The following NTN1 variants were observed in gnomAD, a reference collection of about 807,000 sequenced individuals.
NTN1 encodes the protein netrin-1.
NTN1 carries 11 observed loss-of-function variants against 54.2 expected under a neutral mutation model. That is an observed-to-expected ratio of 0.20 (90% CI 0.13 to 0.34). The LOEUF (loss-of-function observed/expected upper bound fraction) is 0.34, where lower values mean the gene tolerates loss of function less well. Among genes scored for constraint, NTN1 ranks in the 10% least tolerant of loss-of-function variants. NTN1 has a pLI of 1.00. For missense variants in NTN1, 740 were observed against 893.1 expected (o/e 0.83, Z 2.18); for synonymous variants, 371 against 382.0 (o/e 0.97, Z 0.33).
At chr17:9,218,575 T>TGGGACAGTGACGCTGAAGGGACA (rs1905261677) in intron 5 of NTN1, among the ~76,000 whole-genome samples, 1 of 152,118 alleles carries the variant, frequency 6.6e-6, no homozygotes, top group Non-Finnish European at 1.5e-5. Flanking sequence ...GTTTCTAGGC[T>TGGGACAGTGACGCTGAAGGGACA]GGGACAGTGA....
At chr17:9,232,114 T>A (rs1016020488) in intron 6 of NTN1, among the ~76,000 whole-genome samples, 1 of 152,112 alleles carries the variant, frequency 6.6e-6, no homozygotes, top group Non-Finnish European at 1.5e-5. Context: ...GACAGCCATG[T>A]CCCTGCCTCT....
chr17:9,119,786 C>T (rs1448434638), intron 2 of NTN1, among the ~76,000 whole-genome samples: 1 of 152,192 alleles, frequency 6.6e-6, no homozygotes, highest in Admixed American at 6.5e-5. Flanking sequence ...GCATGAGCCG[C>T]TGTGCCTGGC....
chr17:9,065,934 A>G (rs2092013693), intron 2 of NTN1, among the ~76,000 whole-genome samples: 1 of 152,264 alleles, frequency 6.6e-6, no homozygotes, highest in African/African-American at 2.4e-5. Flanking sequence ...CCACTAGAAT[A>G]TCTACCTTTA....
chr17:9,222,421 T>C (rs1905390135), intron 6 of NTN1, among the ~76,000 whole-genome samples: 1 of 152,248 alleles, frequency 6.6e-6, no homozygotes, highest in Non-Finnish European at 1.5e-5. Flanking sequence ...CATATGCTTC[T>C]CAGGGGATCT....
intron 5 of NTN1, among the ~76,000 whole-genome samples, chr17:9,191,020 A>G (rs1186241520): frequency 1.3e-5 from 2 of 152,246 alleles, no homozygotes; most frequent in Non-Finnish European, 2.9e-5. Flanking sequence ...TATATCACCA[A>G]TGGATTAAAG....
At chr17:9,195,801 C>T (rs570999129) in intron 5 of NTN1, among the ~76,000 whole-genome samples, 1 of 152,296 alleles carries the variant, frequency 6.6e-6, no homozygotes, top group East Asian at 1.9e-4. Context: ...AAGCCCCCCT[C>T]CAGCCCCAGA....
intron 3 of NTN1, among the ~76,000 whole-genome samples, chr17:9,168,485 T>C (rs2092378890): frequency 1.3e-5 from 2 of 151,964 alleles, no homozygotes; most frequent in African/African-American, 2.4e-5. Flanking sequence ...TGAGCCGAGA[T>C]TGCGCCATTG....
At chr17:9,182,693 C>A (rs2092422034) in intron 4 of NTN1, among the ~76,000 whole-genome samples, 1 of 152,170 alleles carries the variant, frequency 6.6e-6, no homozygotes, top group Non-Finnish European at 1.5e-5. Context: ...TCTCTCCACA[C>A]CCCCCTGCCA....
At chr17:9,222,105 G>A (rs1905378012) in intron 6 of NTN1, among the ~76,000 whole-genome samples, 1 of 152,206 alleles carries the variant, frequency 6.6e-6, no homozygotes, top group Non-Finnish European at 1.5e-5. Flanking sequence ...CCAGGCCCAG[G>A]ACTCCTGAAT....
rs1385083318 is a variant in NTN1, at chr17:9,023,247, G to A, written c.874G>A (p.Ala292Thr). The change falls in exon 2 of 7, where the codon GCC (alanine) becomes ACC (threonine). Residue 292 changes from alanine to threonine, a missense_variant. Transcript: ENST00000173229. Reference protein sequence around the residue: ...GGRCKCNGHAARCVRDRDDSL... With the variant: ...GGRCKCNGHATRCVRDRDDSL... ...CCGGTGCAAGTGCAACGGCCACGCGGCCCGCTGCGTGCGCGACCGCGACGA... is the reference window on the plus strand; with the variant it reads ...CCGGTGCAAGTGCAACGGCCACGCGACCCGCTGCGTGCGCGACCGCGACGA... 2 of 1,566,248 alleles carry A rather than the reference G, an allele frequency of 1.3e-6. No homozygotes were observed. Among genetic ancestry groups the A allele is most frequent in the South Asian group, 1.2e-5 (1 of 86,350 alleles).
At position 9,082,501 on chromosome 17, in the gene NTN1, C is replaced by T. The variant is rs1045813650; in HGVS notation, c.1018+59110C>T. ...AGTTGAGTTTTCATAGAAACAACCA[C>T]ACTTTTCACACTGTTTTAAATGGGC... On this transcript the variant is annotated intron_variant, in intron 2 of 6. Transcript: ENST00000173229. Among the ~76,000 whole-genome samples the T allele has an allele frequency of 3.3e-5, 5 of 152,336 alleles. No homozygotes were observed. In the South Asian group the frequency reaches 1.0e-3, roughly 32 times the overall value.
At chr17:9,202,923 T>C (rs1462601655) in intron 5 of NTN1, among the ~76,000 whole-genome samples, 1 of 152,120 alleles carries the variant, frequency 6.6e-6, no homozygotes, top group Non-Finnish European at 1.5e-5. Flanking sequence ...TCTTATTTTT[T>C]TATTTTTTAT....
At chr17:9,133,753 A>AT (rs1242359717) in intron 2 of NTN1, among the ~76,000 whole-genome samples, 2 of 62,050 alleles carry the variant, frequency 3.2e-5, no homozygotes, top group African/African-American at 1.2e-4. Flanking sequence ...ATGCCCAGCT[A>AT]ATTTTTTTTT....
intron 5 of NTN1, among the ~76,000 whole-genome samples, chr17:9,205,826 C>T (rs1334678407): frequency 6.6e-6 from 1 of 152,262 alleles, no homozygotes; most frequent in Non-Finnish European, 1.5e-5. Flanking sequence ...TCTGTTTTCT[C>T]CTGTGTGTAA....
intron 2 of NTN1, among the ~76,000 whole-genome samples, chr17:9,151,308 C>T (rs2092327127): frequency 6.6e-6 from 1 of 152,120 alleles, no homozygotes; most frequent in Non-Finnish European, 1.5e-5. Context: ...TGACAGAAGG[C>T]CCCTTTGTGT....
chr17:9,038,208 A>ATT (rs2091909090), intron 2 of NTN1, among the ~76,000 whole-genome samples: 2 of 148,052 alleles, frequency 1.4e-5, no homozygotes, highest in Non-Finnish European at 3.0e-5. Flanking sequence ...TGTCTATCGG[A>ATT]CTCTCTCTCT....
In NTN1 at chr17:9,044,950, G is replaced by A. The variant is rs914681869; in HGVS notation, c.1018+21559G>A. On this transcript the variant is annotated intron_variant, in intron 2 of 6. Coordinates refer to ENST00000173229, the MANE Select transcript of NTN1 (RefSeq NM_004822.3). ...ACACAAAGCTAGGTTAATTTGTACAGATACAGGAAAAAAATGCACTGTCAT... is the reference window on the plus strand; with the variant it reads ...ACACAAAGCTAGGTTAATTTGTACAAATACAGGAAAAAAATGCACTGTCAT... Among the ~76,000 whole-genome samples the A allele has an allele frequency of 4.6e-5, 7 of 152,150 alleles. No homozygotes were observed. The South Asian group carries it at 1.0e-3, about 22-fold the overall frequency.
At chr17:9,166,465 C>T (rs939845969) in intron 3 of NTN1, among the ~76,000 whole-genome samples, 1 of 151,748 alleles carries the variant, frequency 6.6e-6, no homozygotes, top group Non-Finnish European at 1.5e-5. Flanking sequence ...CCTCAGCCTC[C>T]AGAGTAGCTG....
chr17:9,054,939 T>C (rs1334246353), intron 2 of NTN1, among the ~76,000 whole-genome samples: 1 of 151,986 alleles, frequency 6.6e-6, no homozygotes, highest in Admixed American at 6.5e-5. Context: ...GGCTAAACAA[T>C]AGCGGTTTTA....
Sources: gnomAD v4.1 joint callset for allele counts (sites outside exome capture counted in the v4.1 genomes callset) on GRCh38, gnomAD v4.1.1 for gene constraint, MANE v1.5 for transcripts, NCBI Gene and HGNC (gene_info 2026-07-23, HGNC 2026-07-21) for gene names.